NAA38: variants seen among roughly 807,000 people sequenced by gnomAD.
The protein encoded by NAA38 is LSM domain containing 1.
A neutral mutation model predicts 12.6 loss-of-function variants in NAA38; 15 were observed. The ratio of observed to expected loss-of-function variants is 1.19; its 90% confidence interval spans 0.79 to 1.83. NAA38 has a LOEUF of 1.83. Among genes scored for constraint, NAA38 ranks in the 40% most tolerant of loss-of-function variants. The pLI is 0.00. For synonymous variants in NAA38, 88 were observed against 69.9 expected (o/e 1.26, Z -1.29); for missense variants, 183 against 171.7 (o/e 1.07, Z -0.37).
At chr17:7,858,842 G>A, upstream of NAA38, 1 of 1,519,420 alleles carries the variant, frequency 6.6e-7, no homozygotes, top group Non-Finnish European at 8.8e-7. Context: ...CTGGTGACAA[G>A]GAGCAGGTTA....
At chr17:7,859,666 T>C, upstream of NAA38, 1 of 1,566,872 alleles carries the variant, frequency 6.4e-7, no homozygotes, top group South Asian at 1.1e-5. Context: ...TTTGGCTTTT[T>C]CTGTGCCTTG....
At chr17:7,857,649 T>G (rs1168189355), upstream of NAA38, 6 of 1,346,104 alleles carry the variant, frequency 4.5e-6, no homozygotes, top group East Asian at 1.4e-4. Flanking sequence ...TGTGGCTCAC[T>G]GAAGCGTACT....
chr17:7,869,034 C>T (rs1222989900), intron 2 of NAA38, among the ~76,000 whole-genome samples: 1 of 152,216 alleles, frequency 6.6e-6, no homozygotes, highest in Non-Finnish European at 1.5e-5. Flanking sequence ...AAGCTCGTAA[C>T]TCAGGTTGTG....
intron 1 of NAA38, 38 bp downstream of exon 1, chr17:7,857,345 G>C (rs753503532): frequency 6.2e-7 from 1 of 1,613,056 alleles, no homozygotes; most frequent in East Asian, 2.2e-5. Context: ...CTTGCTGCTT[G>C]ACTGCCCCTC....
At chr17:7,859,537 C>G (rs62059716), upstream of NAA38, 11 of 1,614,182 alleles carry the variant, frequency 6.8e-6, no homozygotes, top group Non-Finnish European at 9.3e-6. Context: ...AAGAATTTGA[C>G]TATCTCAGTA....
chr17:7,878,790 T>A (rs1036551734), intron 2 of NAA38, among the ~76,000 whole-genome samples: 19 of 152,074 alleles, frequency 1.2e-4, no homozygotes, highest in Non-Finnish European at 2.1e-4. Flanking sequence ...ATGTTGAAAA[T>A]TTTCAGATTG....
intron 2 of NAA38, among the ~76,000 whole-genome samples, chr17:7,871,626 T>C (rs764814926): frequency 8.5e-5 from 13 of 152,084 alleles, no homozygotes; most frequent in South Asian, 2.1e-4. Flanking sequence ...ACTGAAGAAA[T>C]AGGAAGTAGA....
At chr17:7,871,554 T>C (rs976936452) in intron 2 of NAA38, among the ~76,000 whole-genome samples, 3 of 152,206 alleles carry the variant, frequency 2.0e-5, no homozygotes, top group Non-Finnish European at 4.4e-5. Flanking sequence ...CCCTTACTCC[T>C]GCTGTAATAC....
At chr17:7,872,604 G>A (rs541138498) in intron 2 of NAA38, among the ~76,000 whole-genome samples, 32 of 152,228 alleles carry the variant, frequency 2.1e-4, no homozygotes, top group Middle Eastern at 3.4e-3. Flanking sequence ...CTTGTGATCC[G>A]CCCACCTCGG....
chr17:7,859,859 G>C (rs1040498183), upstream of NAA38: 2 of 504,178 alleles, frequency 4.0e-6, no homozygotes, highest in Admixed American at 3.4e-5. Context: ...GGTTTAGGGA[G>C]ATGTAGAAGA....
chr17:7,883,034 A>G (rs1488871053), intron 2 of NAA38, among the ~76,000 whole-genome samples: 1 of 152,162 alleles, frequency 6.6e-6, no homozygotes, highest in African/African-American at 2.4e-5. Flanking sequence ...GAACTGAGCT[A>G]TTTGCCCTCC....
chr17:7,858,958 G>A (rs915620411), upstream of NAA38: 18 of 801,292 alleles, frequency 2.2e-5, no homozygotes, highest in Admixed American at 1.3e-4. Flanking sequence ...AGGCAACTGA[G>A]GAAAGCACAG....
intron 2 of NAA38, among the ~76,000 whole-genome samples, chr17:7,870,630 C>T (rs1032343437): frequency 6.6e-6 from 1 of 151,958 alleles, no homozygotes; most frequent in African/African-American, 2.4e-5. Flanking sequence ...GCCTGTAATC[C>T]CAGCACTCTG....
At chr17:7,878,261 A>G (rs565801719) in intron 2 of NAA38, among the ~76,000 whole-genome samples, 3 of 152,152 alleles carry the variant, frequency 2.0e-5, no homozygotes, top group African/African-American at 7.2e-5. Context: ...TGATATATAG[A>G]TATGGCAAAT....
chr17:7,871,328 GGAGT>G (rs1438496361), intron 2 of NAA38, among the ~76,000 whole-genome samples: 5 of 152,196 alleles, frequency 3.3e-5, no homozygotes, highest in African/African-American at 7.2e-5. Context: ...GTTATTGAAA[GGAGT>G]GAGTGAGTTA....
At chr17:7,868,336 A>T (rs1367354703) in intron 2 of NAA38, among the ~76,000 whole-genome samples, 1 of 152,224 alleles carries the variant, frequency 6.6e-6, no homozygotes, top group African/African-American at 2.4e-5. Flanking sequence ...GACCTGAGCG[A>T]CCATGGATTC....
upstream of NAA38, chr17:7,858,980 C>T: frequency 1.5e-6 from 1 of 671,574 alleles, no homozygotes; most frequent in Non-Finnish European, 2.4e-6. Flanking sequence ...ACCTAGGTCC[C>T]CAGGGTTGGG....
At chr17:7,859,360 G>A (rs2078865083), upstream of NAA38, 1 of 1,595,456 alleles carries the variant, frequency 6.3e-7, no homozygotes, top group Non-Finnish European at 8.6e-7. Flanking sequence ...TTCTGGGGGT[G>A]GGGTGCTTCT....
rs1597871171 is a variant in NAA38 at position 7,857,446 on chromosome 17, C to A, written c.18G>T (p.Pro6=). 2 of 1,549,224 alleles carry A rather than the reference C, an allele frequency of 1.3e-6. No individual in the cohort carries two copies. The highest frequency in any genetic ancestry group is 2.3e-5 in the East Asian group (1 of 43,822). ...CATTCTCTTCTCGTAGCAGCATGGT[C>A]GGTCCAGCTCCGGCCATTTGCCCGG... is the stretch of plus-strand genomic sequence containing the variant. MAGAG[P]TMLLREENGC... is the part of the protein sequence containing the mutation. The change falls in exon 1 of 3, where the codon CCG becomes CCT. Residue 6 remains proline (P), a synonymous_variant. Coordinates refer to ENST00000575771, the MANE Select transcript of NAA38 (RefSeq NM_001320925.4).
Sources: allele counts gnomAD v4.1 joint callset (sites outside exome capture counted in the v4.1 genomes callset), GRCh38; gene constraint gnomAD v4.1.1; transcripts MANE v1.5; gene names NCBI Gene and HGNC (gene_info 2026-07-23, HGNC 2026-07-21).